FER: variants seen among roughly 807,000 people sequenced by gnomAD.
FER encodes FER tyrosine kinase.
A neutral mutation model predicts 111.0 loss-of-function variants in FER; 63 were observed. That is an observed-to-expected ratio of 0.57 (90% CI 0.46 to 0.70). FER has a LOEUF of 0.70. FER is among the 30% of genes least tolerant of loss of function. FER has a pLI of 0.00. For missense variants in FER, 914 were observed against 954.0 expected (o/e 0.96, Z 0.55); for synonymous variants, 327 against 313.9 (o/e 1.04, Z -0.44).
intron 5 of FER, among the ~76,000 whole-genome samples, chr5:108,854,256 G>A (rs1434429573): frequency 6.6e-6 from 1 of 152,136 alleles, no homozygotes; most frequent in Non-Finnish European, 1.5e-5. Flanking sequence ...ATAACTGATG[G>A]CTAAATGAAA....
chr5:109,071,560 T>C (rs1312767655), intron 16 of FER, among the ~76,000 whole-genome samples: 2 of 152,044 alleles, frequency 1.3e-5, no homozygotes, highest in African/African-American at 4.8e-5. Context: ...CTTGAAAATA[T>C]ACAAAGATCA....
In FER at chr5:109,193,387, G is replaced by A. The variant is rs970865767; in HGVS notation, c.*5812G>A. The A allele has an allele frequency of 6.6e-6, 1 of 152,094 alleles. No homozygotes were observed. The highest frequency in any genetic ancestry group is 1.5e-5 in the Non-Finnish European group (1 of 68,008). The allele number at this position is 152,094 out of a possible 1,614,324, so 9.4% of individuals were successfully genotyped here. On this transcript the variant is annotated 3_prime_UTR_variant, in exon 20 of 20. Coordinates refer to ENST00000281092, the MANE Select transcript of FER (RefSeq NM_005246.4). ...AAAAAGTCTTTCAGGTTTGTGACAC[G>A]AAGACAGATTTAGCTTCCCACTTGT...
intron 13 of FER, 100 bp downstream of exon 13, chr5:108,959,447 G>A (rs766113967): frequency 9.1e-5 from 111 of 1,213,600 alleles, no homozygotes; most frequent in Non-Finnish European, 1.2e-4. Flanking sequence ...TATGCTAGTA[G>A]TTCAGAAAAA....
chr5:109,132,950 C>T (rs112251517), intron 17 of FER, among the ~76,000 whole-genome samples: 3,950 of 152,212 alleles, frequency 0.026, 198 homozygotes, highest in African/African-American at 0.09. Flanking sequence ...AGAAAGGGTG[C>T]TGTGTGGAGG....
intron 5 of FER, among the ~76,000 whole-genome samples, chr5:108,866,337 A>C (rs1412726460): frequency 1.3e-5 from 2 of 152,190 alleles, no homozygotes; most frequent in Non-Finnish European, 2.9e-5. Context: ...TCACAAGGAC[A>C]AAAAACTAAA....
chr5:109,076,561 T>C (rs1213823990), intron 16 of FER, among the ~76,000 whole-genome samples: 7 of 152,016 alleles, frequency 4.6e-5, no homozygotes, highest in African/African-American at 7.2e-5. Context: ...CCTCAGCCTC[T>C]CAAGTAGTTG....
At chr5:108,981,371 GA>G (rs1451766919) in intron 13 of FER, among the ~76,000 whole-genome samples, 1 of 151,316 alleles carries the variant, frequency 6.6e-6, no homozygotes, top group East Asian at 1.9e-4. Flanking sequence ...GGAGAGAAGA[GA>G]AAAAAAGCAT....
intron 13 of FER, among the ~76,000 whole-genome samples, chr5:109,032,202 C>T (rs1042554275): frequency 1.3e-5 from 2 of 151,910 alleles, no homozygotes; most frequent in Non-Finnish European, 2.9e-5. Context: ...TTGTTGGCAG[C>T]GAAGTAGAAA....
At chr5:109,100,349 A>G (rs1225038126) in intron 16 of FER, 47 bp from the exon 17 acceptor site, 10 of 1,599,176 alleles carry the variant, frequency 6.3e-6, no homozygotes, top group Non-Finnish European at 7.7e-6. Context: ...GATAAATGTG[A>G]CTTTCATCAT....
In FER at chr5:108,938,654, G is replaced by A. The variant is rs537988761; in HGVS notation, c.1237-7476G>A. 2.0e-5 allele frequency among the ~76,000 whole-genome samples: 3 copies of A among 152,112 alleles called. No individual in the cohort carries two copies. In the East Asian group the frequency reaches 5.8e-4, roughly 29 times the overall value. On this transcript the variant is annotated intron_variant, in intron 10 of 19. Transcript: ENST00000281092. ...ATGGCATCTAAGTTAGATAAAGAGA[G>A]AAGAGAAGAGAAGATGATTGATTGG...
chr5:108,830,064 A>G (rs1759877399), intron 3 of FER, among the ~76,000 whole-genome samples: 1 of 152,236 alleles, frequency 6.6e-6, no homozygotes. Flanking sequence ...AGAAAGAACA[A>G]TATTTCTAGC....
chr5:108,905,312 A>G (rs1750600236), intron 10 of FER, among the ~76,000 whole-genome samples: 1 of 152,088 alleles, frequency 6.6e-6, no homozygotes, highest in Non-Finnish European at 1.5e-5. Context: ...TAAAAATAAG[A>G]TTTTCCATTT....
intron 1 of FER, among the ~76,000 whole-genome samples, chr5:108,749,826 T>G (rs1750255020): frequency 6.6e-6 from 1 of 152,184 alleles, no homozygotes; most frequent in Non-Finnish European, 1.5e-5. Flanking sequence ...AGGATCTACT[T>G]TCTGAATACG....
chr5:109,141,270 A>G (rs746621840), intron 17 of FER, among the ~76,000 whole-genome samples: 3 of 152,208 alleles, frequency 2.0e-5, no homozygotes, highest in East Asian at 1.9e-4. Flanking sequence ...TTATTTTATC[A>G]TGAATATCTG....
intron 3 of FER, among the ~76,000 whole-genome samples, chr5:108,826,881 TCTC>T (rs1204046265): frequency 6.6e-6 from 1 of 152,194 alleles, no homozygotes; most frequent in Non-Finnish European, 1.5e-5. Context: ...CCCAGCTCTG[TCTC>T]CTCAATTCAG....
intron 2 of FER, 51 bp downstream of exon 2, chr5:108,768,289 G>C (rs1443319124): frequency 6.6e-6 from 1 of 151,978 alleles, no homozygotes; most frequent in Non-Finnish European, 1.5e-5. Context: ...TTTTTATTTT[G>C]GGTCTCTGAA....
chr5:109,102,284 G>A (rs1748326437), intron 17 of FER, among the ~76,000 whole-genome samples: 1 of 151,986 alleles, frequency 6.6e-6, no homozygotes, highest in African/African-American at 2.4e-5. Flanking sequence ...ACATATCCTA[G>A]CAGGTTGTGC....
At chr5:109,099,860 A>G (rs1748008168) in intron 16 of FER, among the ~76,000 whole-genome samples, 1 of 151,586 alleles carries the variant, frequency 6.6e-6, no homozygotes, top group Non-Finnish European at 1.5e-5. Flanking sequence ...AATCAGGCCA[A>G]AATCATAGCA....
At chr5:109,024,538 C>T (rs1212664499) in intron 13 of FER, among the ~76,000 whole-genome samples, 1 of 151,702 alleles carries the variant, frequency 6.6e-6, no homozygotes, top group African/African-American at 2.4e-5. Context: ...TGATAGAGAC[C>T]CCTTCTTCAT....
Sources: gnomAD v4.1 joint callset for allele counts (sites outside exome capture counted in the v4.1 genomes callset) on GRCh38, gnomAD v4.1.1 for gene constraint, MANE v1.5 for transcripts, NCBI Gene and HGNC (gene_info 2026-07-23, HGNC 2026-07-21) for gene names.